The following USP36 variants were observed in gnomAD, a reference collection of about 807,000 sequenced individuals.
USP36 encodes the protein ubiquitin specific peptidase 36, also known as ubiquitin carboxyl-terminal hydrolase 36.
Under a neutral mutation model 111.5 loss-of-function variants are expected in USP36, and 59 were observed. The ratio of observed to expected loss-of-function variants is 0.53; its 90% CI spans 0.43 to 0.66. The LOEUF (loss-of-function observed/expected upper bound fraction) is 0.66. Ranked by LOEUF, USP36 falls within the 30% of genes least tolerant of loss-of-function variation. USP36 has a pLI of 0.00. For synonymous variants in USP36, 628 were observed against 581.0 expected, an observed-to-expected ratio of 1.08 and a Z score of -1.16; for missense variants, 1,488 against 1,468.0, an observed-to-expected ratio of 1.01 and a Z score of -0.22.
In USP36 at chr17:78,803,618, G is replaced by A; in HGVS notation, c.2577C>T (p.Ala859=). The A allele has an allele frequency of 6.2e-7, 1 of 1,611,832 alleles. No individual in the cohort carries two copies. Among genetic ancestry groups the A allele is most frequent in the Non-Finnish European group, 8.5e-7 (1 of 1,179,322 alleles). ...GTCTCTGTGTCTGCCCCTCCTGCAG[G>A]GCGCTGGCAGCTGTGTCCTCCGGGC... is the stretch of plus-strand genomic sequence containing the variant. ...KKRPEDTAAS[A]LQEGQTQRQP... The change falls in exon 16 of 21, where the codon GCC becomes GCT. Residue 859 remains alanine, a synonymous_variant. Transcript: ENST00000449938. This position sits in a 1 kb window ranked among gnomAD's most constrained non-coding sequence, Gnocchi z 4.6.
chr17:78,802,496 T>C lies in USP36; in HGVS notation c.2850A>G (p.Glu950=). 1 of 1,608,596 alleles carries C rather than the reference T, an allele frequency of 6.2e-7. No homozygotes were observed. Among genetic ancestry groups the C allele is most frequent in the South Asian group, 1.1e-5 (1 of 90,936 alleles). ...TCTTTTTCTTTTTCCTTGGAGACTC[T>C]TCCATGGCCTCTGGATCACCATCAC... ...PMGDGDPEAM[E]ESPRKKKKKK... Residue 950 remains glutamate, a synonymous_variant, in exon 17 of 21, where the codon GAA becomes GAG. Coordinates refer to ENST00000449938, the MANE Select transcript of USP36 (RefSeq NM_001385174.1).
intron 4 of USP36, among the ~76,000 whole-genome samples, chr17:78,829,840 A>C (rs1337730255): frequency 1.3e-5 from 2 of 152,130 alleles, no homozygotes; most frequent in Non-Finnish European, 1.5e-5. Flanking sequence ...TGCCGGGTTT[A>C]AGCAATTCTC....
At chr17:78,806,005 T>C in intron 15 of USP36, 151 bp downstream of exon 15, 1 of 1,345,052 alleles carries the variant, frequency 7.4e-7, no homozygotes, top group Non-Finnish European at 1.0e-6. Flanking sequence ...GAGGGGGATC[T>C]TGGTCAGTGA....
intron 6 of USP36, chr17:78,826,938 GT>G: frequency 1.7e-6 from 1 of 602,318 alleles, no homozygotes; most frequent in East Asian, 2.8e-5. Context: ...CCCTAAGAAG[GT>G]CTGCTAACAT....
chr17:78,835,563 A>C lies in USP36; in HGVS notation c.254-62T>G, dbSNP rs984213033. On this transcript the variant is annotated intron_variant, in intron 3 of 20. Transcript: ENST00000449938. ...ACGTAAGTCCACACACAGGTCGTCCACAAAAAGAAACTCCTGAAGCATACA... is the reference window on the plus strand; with the variant it reads ...ACGTAAGTCCACACACAGGTCGTCCCCAAAAAGAAACTCCTGAAGCATACA... 17 of 1,478,428 alleles carry C rather than the reference A, an allele frequency of 1.1e-5. No individual in the cohort carries two copies. The African/African-American group carries it at 2.0e-4, about 17-fold the overall frequency. 91.6% of individuals were successfully genotyped at this position (1,478,428 alleles called of 1,614,324 possible). A position where few individuals can be genotyped will look rare whatever the true frequency, so the allele number is the denominator to read the frequency against.
chr17:78,792,478 C>G (rs183705928), downstream of USP36, among the ~76,000 whole-genome samples: 1 of 152,316 alleles, frequency 6.6e-6, no homozygotes, highest in East Asian at 1.9e-4. Context: ...CACCCAGCCC[C>G]TCTGGGAGGC....
intron 13 of USP36, among the ~76,000 whole-genome samples, chr17:78,807,877 T>C (rs1490791522): frequency 6.6e-6 from 1 of 152,174 alleles, no homozygotes; most frequent in Non-Finnish European, 1.5e-5. Flanking sequence ...CTAATTTCTG[T>C]ATTTTTGACA....
At chr17:78,841,256 C>G (rs934183117), upstream of USP36, 1 of 152,368 alleles carries the variant, frequency 6.6e-6, no homozygotes, top group Non-Finnish European at 1.5e-5. Context: ...GCTGGGCTCC[C>G]CCACCTGCCC....
In USP36 at chr17:78,803,797, C is replaced by T. The variant is rs147302564; in HGVS notation, c.2398G>A (p.Glu800Lys). ...DLVSLPHQLPEASEPPQSPSE... is the reference protein window; with the variant it reads ...DLVSLPHQLPKASEPPQSPSE... ...GGGCTCTGGGGGGGCTCACTGGCCT[C>T]TGGCAACTGGTGTGGAAGAGACACA... The change falls in exon 16 of 21, where the codon GAG becomes AAG. Residue 800 changes from glutamate (E) to lysine (K), a missense_variant. Glu to Lys is a moderately conservative substitution (Grantham distance 56, BLOSUM62 1). Transcript: ENST00000449938. The surrounding 1 kb of genome is among the most constrained non-coding windows in gnomAD (Gnocchi z 4.6). The T allele has an allele frequency of 1.7e-5, 28 of 1,612,822 alleles. No individual in the cohort carries two copies. The African/African-American group carries it at 3.6e-4, about 21-fold the overall frequency.
chr17:78,836,403 A>G, intron 2 of USP36, 31 bp from the exon 3 acceptor site: 1 of 1,599,050 alleles, frequency 6.3e-7, no homozygotes, highest in Non-Finnish European at 8.5e-7. Context: ...ATAGAGCCAT[A>G]GATAACGAAA....
At chr17:78,806,808 A>G in intron 14 of USP36, 151 bp downstream of exon 14, 1 of 1,132,642 alleles carries the variant, frequency 8.8e-7, no homozygotes, top group Non-Finnish European at 1.2e-6. Context: ...TTTAATTGCA[A>G]ATGGCTGGGA....
chr17:78,818,377 T>C (rs2094237530), intron 10 of USP36, among the ~76,000 whole-genome samples: 2 of 152,168 alleles, frequency 1.3e-5, no homozygotes, highest in Admixed American at 1.3e-4. Context: ...AAAATGCAGA[T>C]TCCTGGGCCC....
At position 78,802,671 on chromosome 17, in the gene USP36, T is replaced by C. The variant is rs1028126475; in HGVS notation, c.2811-136A>G. The C allele has an allele frequency of 1.2e-5, 10 of 822,306 alleles. No individual in the cohort carries two copies. The Admixed American group carries it at 1.3e-4, about 11-fold the overall frequency. 50.9% of individuals were successfully genotyped at this position (822,306 alleles called of 1,614,324 possible). On this transcript the variant is annotated intron_variant, in intron 16 of 20. Transcript: ENST00000449938. ...GTGCACGCAGGTCCCTGCAACATTC[T>C]TCCCCCCACACGCATTAGCGGACGC...
Position 78,821,043 on chromosome 17 carries a change from T to C in USP36, c.776A>G (p.Lys259Arg), listed in dbSNP as rs1404267849. The change falls in exon 8 of 21, where the codon AAG becomes AGG. Residue 259 changes from lysine to arginine, a missense_variant. This residue lies in a region of USP36 where 196 missense variants were observed against 264.4 expected (regional missense o/e 0.74). Transcript: ENST00000449938. ...GGGGTCGTAGGTGTCCGAGACGCTC[T>C]TGCACACGGAGCACTTCACTGCAAC... Reference protein sequence around the residue: ...LRSRVKCSVCKSVSDTYDPYL... With the variant: ...LRSRVKCSVCRSVSDTYDPYL... 2 of 1,605,260 alleles carry C rather than the reference T, an allele frequency of 1.2e-6. No individual in the cohort carries two copies. Among genetic ancestry groups the C allele is most frequent in the Non-Finnish European group, 1.7e-6 (2 of 1,175,760 alleles).
At chr17:78,813,744 C>T in intron 12 of USP36, 29 bp downstream of exon 12, 2 of 1,597,918 alleles carry the variant, frequency 1.3e-6, no homozygotes, top group Non-Finnish European at 1.7e-6. Context: ...AGGGAGTGAG[C>T]TCATCTGGGG....
At chr17:78,819,218 AC>A (rs2094259633) in intron 9 of USP36, 3 of 172,782 alleles carry the variant, frequency 1.7e-5, no homozygotes, top group African/African-American at 7.2e-5. Context: ...CAGGAAACAG[AC>A]CTAAAGAAGA....
intron 4 of USP36, among the ~76,000 whole-genome samples, chr17:78,830,834 C>T (rs144463621): frequency 1.3e-4 from 19 of 151,878 alleles, no homozygotes; most frequent in South Asian, 6.2e-4. Context: ...TTTTAGACTT[C>T]TGCTTGCCTT....
chr17:78,815,894 A>C (rs952212773), intron 10 of USP36, among the ~76,000 whole-genome samples: 1 of 152,144 alleles, frequency 6.6e-6, no homozygotes, highest in African/African-American at 2.4e-5. Context: ...TGCACAACAC[A>C]TACATGCACG....
intron 13 of USP36, among the ~76,000 whole-genome samples, chr17:78,809,387 T>C (rs986126345): frequency 6.6e-6 from 1 of 152,244 alleles, no homozygotes; most frequent in Non-Finnish European, 1.5e-5. Flanking sequence ...ATCTTTCCAC[T>C]GCACCGCAAA....
Sources: gnomAD v4.1 joint callset for allele counts (sites outside exome capture counted in the v4.1 genomes callset) on GRCh38, gnomAD v4.1.1 for gene constraint, gnomAD v4.1.1 regional missense constraint, Gnocchi (gnomAD v3.1) non-coding constraint, MANE v1.5 for transcripts, NCBI Gene and HGNC (gene_info 2026-07-23, HGNC 2026-07-21) for gene names.